Variants in PRLR observed in about 807,000 individuals in gnomAD.
PRLR encodes hPRL receptor.
Under a neutral mutation model 40.2 loss-of-function variants are expected in PRLR, and 13 were observed. The observed-to-expected ratio is 0.32, with a 90% confidence interval of 0.21 to 0.51. The LOEUF is 0.51. Among genes scored for constraint, PRLR ranks in the 20% least tolerant of loss-of-function variants. The pLI is 0.97. For missense variants in PRLR, 656 were observed against 747.3 expected (o/e 0.88, Z 1.42); for synonymous variants, 269 against 278.7 (o/e 0.97, Z 0.35).
chr5:35,156,151 A>AAC (rs1491257545), intron 1 of PRLR, among the ~76,000 whole-genome samples: 2 of 151,630 alleles, frequency 1.3e-5, no homozygotes, highest in African/African-American at 4.9e-5. Context: ...AAAAAAAAAA[A>AAC]CAAAACCAAC....
intron 6 of PRLR, among the ~76,000 whole-genome samples, chr5:35,071,981 C>T (rs904664242): frequency 2.6e-5 from 4 of 151,826 alleles, no homozygotes; most frequent in South Asian, 2.1e-4. Context: ...CTGAAACCTC[C>T]GCCTCCTGGG....
intron 2 of PRLR, among the ~76,000 whole-genome samples, chr5:35,115,756 T>C (rs1033783243): frequency 6.6e-6 from 1 of 151,892 alleles, no homozygotes; most frequent in Non-Finnish European, 1.5e-5. Context: ...AGGGAGTGAT[T>C]GTTAGGGAGT....
Position 35,215,692 on chromosome 5 carries a change from C to A in PRLR, c.-106+14576G>T, listed in dbSNP as rs924172179. Among the ~76,000 whole-genome samples the A allele has an allele frequency of 3.9e-5, 6 of 152,058 alleles. No homozygotes were observed. In the South Asian group the frequency reaches 1.2e-3, roughly 32 times the overall value. Reference sequence around the variant, plus strand: ...CAAGATGTACAAAAGACCCTCACCCCTAGGGCAAGTTCTGGGTCCTTGGAA... The same window carrying A: ...CAAGATGTACAAAAGACCCTCACCCATAGGGCAAGTTCTGGGTCCTTGGAA... On this transcript the variant is annotated intron_variant, in intron 1 of 9. Transcript: ENST00000618457.
intron 1 of PRLR, among the ~76,000 whole-genome samples, chr5:35,145,734 G>A (rs554376439): frequency 1.3e-5 from 2 of 151,478 alleles, no homozygotes; most frequent in Admixed American, 6.5e-5. Context: ...CTCAACAAAT[G>A]TTCACTGAAA....
At chr5:35,087,458 G>GT (rs1770930243) in intron 3 of PRLR, among the ~76,000 whole-genome samples, 2 of 150,062 alleles carry the variant, frequency 1.3e-5, no homozygotes, top group African/African-American at 2.5e-5. Context: ...GTGTGTGTGT[G>GT]GTGAGGTTGC....
Position 35,089,627 on chromosome 5 carries a change from T to C in PRLR, c.-7A>G, listed in dbSNP as rs758046714. 27 of 1,613,980 alleles carry C rather than the reference T, an allele frequency of 1.7e-5. No individual in the cohort carries two copies. In the Admixed American group the frequency reaches 4.2e-4, roughly 25 times the overall value. ...ATGCCACATTTTCCTTCATGTTGGCTGCCTTCTCTTGCTGCAGGAAATGTA... is the reference window on the plus strand; with the variant it reads ...ATGCCACATTTTCCTTCATGTTGGCCGCCTTCTCTTGCTGCAGGAAATGTA... On this transcript the variant is annotated 5_prime_UTR_variant, in exon 3 of 10. Transcript: ENST00000618457.
At chr5:35,169,794 G>C (rs1254437844) in intron 1 of PRLR, among the ~76,000 whole-genome samples, 1 of 152,168 alleles carries the variant, frequency 6.6e-6, no homozygotes, top group Non-Finnish European at 1.5e-5. Flanking sequence ...AGCCAAAATT[G>C]CTGGTGGTAT....
At chr5:35,051,330 G>A (rs567217695), downstream of PRLR, among the ~76,000 whole-genome samples, 62 of 152,344 alleles carry the variant, frequency 4.1e-4, no homozygotes, top group Non-Finnish European at 4.6e-4. Flanking sequence ...ATGTGGGGAA[G>A]ATTTGTGTTT....
chr5:35,100,775 C>G (rs990965304), intron 2 of PRLR, among the ~76,000 whole-genome samples: 2 of 152,180 alleles, frequency 1.3e-5, no homozygotes, highest in Non-Finnish European at 1.5e-5. Flanking sequence ...ACATATTCCC[C>G]CCTCTATTTC....
chr5:35,052,504 C>A (rs1258597262), downstream of PRLR, among the ~76,000 whole-genome samples: 1 of 152,180 alleles, frequency 6.6e-6, no homozygotes, highest in Non-Finnish European at 1.5e-5. Flanking sequence ...CTTTGACCTG[C>A]TGCCCTCCTG....
intron 1 of PRLR, among the ~76,000 whole-genome samples, chr5:35,230,064 C>T (rs1043533518): frequency 3.4e-4 from 52 of 151,906 alleles, no homozygotes; most frequent in African/African-American, 1.2e-3. Flanking sequence ...AAGGGACATC[C>T]GGGCGGGAGG....
At chr5:35,080,597 C>G (rs1579598505) in intron 5 of PRLR, among the ~76,000 whole-genome samples, 1 of 152,152 alleles carries the variant, frequency 6.6e-6, no homozygotes, top group Admixed American at 6.5e-5. Context: ...GTTGGTGGGA[C>G]TGTAAACTAG....
Position 35,150,059 on chromosome 5 carries a change from T to C in PRLR, c.-105-31937A>G, listed in dbSNP as rs145662059. ...GCCACGACGCCCAGCTAATTTTGTATTTTTAGTAGAGACAGGGTTTCTCCA... is the reference window on the plus strand; with the variant it reads ...GCCACGACGCCCAGCTAATTTTGTACTTTTAGTAGAGACAGGGTTTCTCCA... On this transcript the variant is annotated intron_variant, in intron 1 of 9. Coordinates refer to ENST00000618457, the MANE Select transcript of PRLR (RefSeq NM_000949.7). Among the ~76,000 whole-genome samples, 7 of 152,294 alleles carry C rather than the reference T, an allele frequency of 4.6e-5. No individual in the cohort carries two copies. The East Asian group carries it at 1.4e-3, about 29-fold the overall frequency.
At chr5:35,102,497 A>ACTCCTCTCCACTCCTCTCCCCTCCT (rs1771956039) in intron 2 of PRLR, among the ~76,000 whole-genome samples, 2 of 68,770 alleles carry the variant, frequency 2.9e-5, no homozygotes, top group African/African-American at 8.7e-5. Context: ...TCTCCTCTCC[A>ACTCCTCTCCACTCCTCTCCCCTCCT]CTCCTCTCCT....
intron 3 of PRLR, among the ~76,000 whole-genome samples, chr5:35,089,160 A>C (rs1361097096): frequency 6.6e-6 from 1 of 152,188 alleles, no homozygotes. Flanking sequence ...AAGAGTTTTC[A>C]TATACATTAT....
At chr5:35,216,060 A>G (rs1776281048) in intron 1 of PRLR, among the ~76,000 whole-genome samples, 1 of 148,518 alleles carries the variant, frequency 6.7e-6, no homozygotes, top group Non-Finnish European at 1.5e-5. Context: ...AAGGGAAAAG[A>G]AAAAAAAAAG....
intron 1 of PRLR, among the ~76,000 whole-genome samples, chr5:35,159,263 C>CTT (rs1260948441): frequency 1.3e-5 from 2 of 150,762 alleles, no homozygotes; most frequent in Non-Finnish European, 2.9e-5. Flanking sequence ...TTCTTTTGGC[C>CTT]TCCAGAGAAC....
At chr5:35,100,592 T>A (rs1771819908) in intron 2 of PRLR, among the ~76,000 whole-genome samples, 1 of 152,218 alleles carries the variant, frequency 6.6e-6, no homozygotes, top group Non-Finnish European at 1.5e-5. Flanking sequence ...CAATAGGCTA[T>A]CCCATATAGC....
At chr5:35,099,929 C>A (rs1771768281) in intron 2 of PRLR, among the ~76,000 whole-genome samples, 1 of 151,998 alleles carries the variant, frequency 6.6e-6, no homozygotes, top group South Asian at 2.1e-4. Context: ...GTAATCCCGG[C>A]ACTTTGGGAG....
Sources: allele counts gnomAD v4.1 joint callset (sites outside exome capture counted in the v4.1 genomes callset), GRCh38; gene constraint gnomAD v4.1.1; transcripts MANE v1.5; gene names NCBI Gene and HGNC (gene_info 2026-07-23, HGNC 2026-07-21).